SLAIN2: variants seen among roughly 807,000 people sequenced by gnomAD.
The protein encoded by SLAIN2 is SLAIN family member 2.
In SLAIN2, 31 loss-of-function variants were observed where a neutral mutation model predicts 56.6. The observed-to-expected ratio is 0.55, with a 90% confidence interval of 0.41 to 0.74. The LOEUF (loss-of-function observed/expected upper bound fraction) is 0.74. Among genes scored for constraint, SLAIN2 ranks in the 30% least tolerant of loss-of-function variants. SLAIN2 has a pLI of 0.00. For missense variants in SLAIN2, 777 were observed against 754.2 expected (o/e 1.03, Z -0.35); for synonymous variants, 317 against 284.9 (o/e 1.11, Z -1.13).
intron 2 of SLAIN2, among the ~76,000 whole-genome samples, chr4:48,376,621 T>G (rs1181646781): frequency 3.7e-5 from 2 of 54,032 alleles, no homozygotes; most frequent in African/African-American, 2.0e-4. Flanking sequence ...CAGGTTGACT[T>G]TTTTTTTTTT....
chr4:48,370,153 A>G (rs1349756756), intron 2 of SLAIN2, among the ~76,000 whole-genome samples, 156 bp downstream of exon 2: 2 of 152,162 alleles, frequency 1.3e-5, no homozygotes, highest in Non-Finnish European at 2.9e-5. Context: ...TGTTCACATA[A>G]CCCTGTTCTA....
chr4:48,350,279 T>C (rs1419411422), intron 1 of SLAIN2, among the ~76,000 whole-genome samples: 1 of 152,252 alleles, frequency 6.6e-6, no homozygotes, highest in African/African-American at 2.4e-5. Flanking sequence ...TATGCCAGAT[T>C]GCCCAGGGAA....
chr4:48,364,905 A>T (rs1287537355), intron 1 of SLAIN2, among the ~76,000 whole-genome samples: 4 of 146,592 alleles, frequency 2.7e-5, no homozygotes, highest in Admixed American at 6.8e-5. Flanking sequence ...AGGGAGAGGG[A>T]GAGCTGGTTT....
At chr4:48,406,553 G>A (rs1196939244) in intron 6 of SLAIN2, among the ~76,000 whole-genome samples, 1 of 129,986 alleles carries the variant, frequency 7.7e-6, no homozygotes, top group Non-Finnish European at 1.6e-5. Flanking sequence ...TTTAAGTTAA[G>A]CTATATCCAC....
At chr4:48,369,243 A>G (rs1477008682) in intron 1 of SLAIN2, among the ~76,000 whole-genome samples, 3 of 152,184 alleles carry the variant, frequency 2.0e-5, no homozygotes, top group Non-Finnish European at 2.9e-5. Context: ...CTTCTGCTCA[A>G]CTTTTCCTTT....
rs181871434 is a variant in SLAIN2, at chr4:48,417,979, T to C, written c.1361-2146T>C. Among the ~76,000 whole-genome samples the C allele has an allele frequency of 5.3e-3, 811 of 152,266 alleles. 4 individuals carry two copies. Among genetic ancestry groups the C allele is most frequent in the Non-Finnish European group, 6.6e-3 (451 of 67,992 alleles). ...TCTGTGACCTTACTGAATTCACTTA[T>C]TATTTCTAGAAGTGTGTGTGTGTGT... On this transcript the variant is annotated intron_variant, in intron 6 of 7. Transcript: ENST00000264313.
intron 6 of SLAIN2, among the ~76,000 whole-genome samples, chr4:48,400,278 A>G (rs1251580417): frequency 1.3e-5 from 2 of 151,238 alleles, no homozygotes; most frequent in African/African-American, 4.9e-5. Flanking sequence ...TAGATTTTCT[A>G]GTTTATGTAC....
intron 6 of SLAIN2, among the ~76,000 whole-genome samples, chr4:48,390,757 G>A (rs1298993515): frequency 6.6e-6 from 1 of 152,088 alleles, no homozygotes; most frequent in Non-Finnish European, 1.5e-5. Flanking sequence ...TATAGCTTTC[G>A]TTTTTGAAAA....
intron 1 of SLAIN2, among the ~76,000 whole-genome samples, chr4:48,355,748 A>G (rs914618765): frequency 3.9e-5 from 6 of 152,018 alleles, no homozygotes; most frequent in African/African-American, 1.4e-4. Flanking sequence ...TATTTAATAT[A>G]CACATTTTAT....
rs1165732107 is a variant in SLAIN2, at chr4:48,341,592, T to C, written c.-148T>C. On this transcript the variant is annotated 5_prime_UTR_variant, in exon 1 of 8. Coordinates refer to ENST00000264313, the MANE Select transcript of SLAIN2 (RefSeq NM_020846.2). The stretch of plus-strand genomic sequence containing the variant: ...GCCAGCGGCGCTTTGGAACCCGAGG[T>C]GGGGGGACCCTGGCGGTGGGGCCTG... 1 of 1,243,522 alleles carries C rather than the reference T, an allele frequency of 8.0e-7. No individual in the cohort carries two copies. The highest frequency in any genetic ancestry group is 1.6e-5 in the African/African-American group (1 of 62,924). The allele number at this position is 1,243,522 out of a possible 1,614,324, so 77.0% of individuals were successfully genotyped here.
At chr4:48,369,376 A>G (rs1321901837) in intron 1 of SLAIN2, among the ~76,000 whole-genome samples, 3 of 152,134 alleles carry the variant, frequency 2.0e-5, no homozygotes. Flanking sequence ...TCTCCAACAC[A>G]TTGTCGTTTG....
At chr4:48,399,537 T>G (rs1716493095) in intron 6 of SLAIN2, among the ~76,000 whole-genome samples, 1 of 152,196 alleles carries the variant, frequency 6.6e-6, no homozygotes, top group Admixed American at 6.5e-5. Flanking sequence ...CTTCCAAAAC[T>G]ATGTTGAATA....
Position 48,394,458 on chromosome 4 carries a change from T to G in SLAIN2, c.1360+10674T>G, listed in dbSNP as rs1716325380. ...CTAGGATTCTAACATATTTGCACCTTATGGCTTCTGTTCTTTGATACATTT... is the reference window on the plus strand; with the variant it reads ...CTAGGATTCTAACATATTTGCACCTGATGGCTTCTGTTCTTTGATACATTT... On this transcript the variant is annotated intron_variant, in intron 6 of 7. Transcript: ENST00000264313. The G allele has an allele frequency of 5.4e-6, 4 of 738,872 alleles. No homozygotes were observed. The East Asian group carries it at 1.1e-4, about 20-fold the overall frequency. 45.8% of individuals were successfully genotyped at this position (738,872 alleles called of 1,614,324 possible). A position where few individuals can be genotyped will look rare whatever the true frequency, so the allele number is the denominator to read the frequency against.
intron 1 of SLAIN2, among the ~76,000 whole-genome samples, chr4:48,360,165 A>AC (rs111893089): frequency 2.2e-4 from 33 of 152,040 alleles, no homozygotes; most frequent in African/African-American, 7.2e-4. Flanking sequence ...AAAAAAAAAA[A>AC]AAATAGTGGT....
At chr4:48,353,776 C>G (rs1274029163) in intron 1 of SLAIN2, among the ~76,000 whole-genome samples, 1 of 151,654 alleles carries the variant, frequency 6.6e-6, no homozygotes, top group Non-Finnish European at 1.5e-5. Context: ...TGAAAGTCTG[C>G]TAGGTATGGA....
chr4:48,356,434 C>CTGTACTAGTAGCTGAAAAGATA (rs1162695094), intron 1 of SLAIN2, among the ~76,000 whole-genome samples: 2 of 151,454 alleles, frequency 1.3e-5, no homozygotes, highest in African/African-American at 4.9e-5. Context: ...CTGAAAAGAT[C>CTGTACTAGTAGCTGAAAAGATA]TGTACTAGTA....
At chr4:48,354,740 A>G (rs1715112773) in intron 1 of SLAIN2, among the ~76,000 whole-genome samples, 1 of 152,166 alleles carries the variant, frequency 6.6e-6, no homozygotes, top group African/African-American at 2.4e-5. Flanking sequence ...CTGGGATTAC[A>G]GGCATGAACC....
In SLAIN2 at chr4:48,425,940, A is replaced by C. The variant is rs535489598; in HGVS notation, c.*3863A>C. 6.6e-6 allele frequency: 1 copy of C among 152,348 alleles called. No homozygotes were observed. Among genetic ancestry groups the C allele is most frequent in the Admixed American group, 6.5e-5 (1 of 15,296 alleles). 9.4% of individuals were successfully genotyped at this position (152,348 alleles called of 1,614,324 possible). A position where few individuals can be genotyped will look rare whatever the true frequency, so the allele number is the denominator to read the frequency against. On this transcript the variant is annotated 3_prime_UTR_variant, in exon 8 of 8. Coordinates refer to ENST00000264313, the MANE Select transcript of SLAIN2 (RefSeq NM_020846.2). ...TGAAACAAATTATCTACATTAAGTCATCTTAATGTTTTCTCTTTAAAAGAA... is the reference window on the plus strand; with the variant it reads ...TGAAACAAATTATCTACATTAAGTCCTCTTAATGTTTTCTCTTTAAAAGAA...
intron 6 of SLAIN2, among the ~76,000 whole-genome samples, chr4:48,403,592 C>T (rs1355716448): frequency 1.3e-5 from 2 of 152,200 alleles, no homozygotes; most frequent in African/African-American, 4.8e-5. Context: ...AGATGGCGGC[C>T]ACCCTTCCTC....
Sources: gnomAD v4.1 joint callset for allele counts (sites outside exome capture counted in the v4.1 genomes callset) on GRCh38, gnomAD v4.1.1 for gene constraint, MANE v1.5 for transcripts, NCBI Gene and HGNC (gene_info 2026-07-23, HGNC 2026-07-21) for gene names.